Variants in FRMD4A observed in about 807,000 individuals in gnomAD.
The protein encoded by FRMD4A is FERM domain-containing protein 4A.
FRMD4A carries 29 observed loss-of-function variants against 129.1 expected under a neutral mutation model. The ratio of observed to expected loss-of-function variants is 0.22; its 90% CI spans 0.17 to 0.31. FRMD4A has a LOEUF of 0.31. Among genes scored for constraint, FRMD4A ranks in the 10% least tolerant of loss-of-function variants. The probability of loss-of-function intolerance (pLI) is 1.00; values close to 1 mark genes in which losing one functional copy is unlikely to be tolerated. For synonymous variants in FRMD4A, 634 were observed against 571.6 expected, an observed-to-expected ratio of 1.11 and a Z score of -1.56; for missense variants, 1,272 against 1,375.8, an observed-to-expected ratio of 0.92 and a Z score of 1.19.
At chr10:14,272,807 G>C (rs911064541) in intron 2 of FRMD4A, among the ~76,000 whole-genome samples, 2 of 151,984 alleles carry the variant, frequency 1.3e-5, no homozygotes, top group African/African-American at 4.8e-5. Flanking sequence ...TTCACAATGG[G>C]GCTTGAATTT....
intron 4 of FRMD4A, among the ~76,000 whole-genome samples, chr10:13,802,701 T>G (rs1022210885): frequency 2.6e-5 from 4 of 152,054 alleles, no homozygotes; most frequent in Non-Finnish European, 5.9e-5. Flanking sequence ...CTCAAACTCC[T>G]GGCTTCAAGC....
At chr10:13,794,757 C>A (rs746362905) in intron 5 of FRMD4A, among the ~76,000 whole-genome samples, 1 of 152,120 alleles carries the variant, frequency 6.6e-6, no homozygotes, top group Admixed American at 6.5e-5. Context: ...TTGCTTTGGC[C>A]GACCATCAAT....
At chr10:14,263,580 T>C (rs963703077) in intron 2 of FRMD4A, among the ~76,000 whole-genome samples, 2 of 152,106 alleles carry the variant, frequency 1.3e-5, no homozygotes, top group Non-Finnish European at 2.9e-5. Flanking sequence ...TCTTCTCCCA[T>C]CACAAACTGA....
rs532697126 is a variant in FRMD4A at position 13,731,396 on chromosome 10, C to T, written c.759+6448G>A. On this transcript the variant is annotated intron_variant, in intron 12 of 24. Transcript: ENST00000357447. ...GGGCGCAGTGGCTCACGCCTGTAAT[C>T]CCAGCACTTTGGGAGGCCAAGGTGG... is the stretch of plus-strand genomic sequence containing the variant. Among the ~76,000 whole-genome samples, 96 of 152,276 alleles carry T rather than the reference C, an allele frequency of 6.3e-4. 2 individuals carry two copies. The highest frequency in any genetic ancestry group is 5.6e-4 in the Non-Finnish European group (38 of 68,028).
intron 2 of FRMD4A, among the ~76,000 whole-genome samples, chr10:13,962,968 G>A (rs1044666545): frequency 6.6e-6 from 1 of 152,228 alleles, no homozygotes; most frequent in African/African-American, 2.4e-5. Flanking sequence ...AAATTGAGCT[G>A]TTAGGTTGTT....
chr10:13,957,541 C>T (rs1356285238), intron 2 of FRMD4A, among the ~76,000 whole-genome samples: 4 of 152,158 alleles, frequency 2.6e-5, no homozygotes, highest in Non-Finnish European at 5.9e-5. Context: ...AGACGTGAGC[C>T]ACCACGCTCA....
chr10:14,325,658 C>G (rs1195597874), intron 2 of FRMD4A, among the ~76,000 whole-genome samples: 1 of 152,266 alleles, frequency 6.6e-6, no homozygotes, highest in African/African-American at 2.4e-5. Context: ...TATCTCCAAC[C>G]TGTCTTGACA....
At chr10:14,121,041 A>G (rs1838481733) in intron 2 of FRMD4A, among the ~76,000 whole-genome samples, 1 of 152,156 alleles carries the variant, frequency 6.6e-6, no homozygotes, top group Non-Finnish European at 1.5e-5. Context: ...TATCCCTGTA[A>G]TGTACATATG....
intron 3 of FRMD4A, among the ~76,000 whole-genome samples, chr10:13,812,366 A>C (rs1287546190): frequency 6.6e-6 from 1 of 152,204 alleles, no homozygotes; most frequent in African/African-American, 2.4e-5. Flanking sequence ...ATAAGAAGAG[A>C]CACCAGAGAG....
At chr10:13,714,333 G>C (rs987871048) in intron 12 of FRMD4A, among the ~76,000 whole-genome samples, 1 of 151,234 alleles carries the variant, frequency 6.6e-6, no homozygotes, top group African/African-American at 2.4e-5. Context: ...AAAGTGCTAG[G>C]ATTATAGGTG....
intron 2 of FRMD4A, among the ~76,000 whole-genome samples, chr10:14,094,680 T>A (rs1836849221): frequency 6.6e-6 from 1 of 152,202 alleles, no homozygotes; most frequent in Non-Finnish European, 1.5e-5. Flanking sequence ...CTATTGGGCA[T>A]GCAGTTGGCA....
intron 2 of FRMD4A, among the ~76,000 whole-genome samples, chr10:13,922,952 G>A (rs1028151759): frequency 6.6e-6 from 1 of 152,200 alleles, no homozygotes; most frequent in Non-Finnish European, 1.5e-5. Context: ...GCAACTGTGA[G>A]TAGTTCATTC....
intron 2 of FRMD4A, among the ~76,000 whole-genome samples, chr10:13,978,709 C>T (rs547200538): frequency 6.6e-6 from 1 of 152,206 alleles, no homozygotes; most frequent in South Asian, 2.1e-4. Flanking sequence ...AACCTGAGAA[C>T]CCAAAAAACT....
chr10:14,170,386 CT>C (rs1284977785), intron 2 of FRMD4A, among the ~76,000 whole-genome samples: 1 of 152,184 alleles, frequency 6.6e-6, no homozygotes, highest in Admixed American at 6.5e-5. Context: ...TTAATTGCCC[CT>C]TTCATAAAAT....
chr10:14,183,728 A>G (rs1234091297), intron 2 of FRMD4A, among the ~76,000 whole-genome samples: 1 of 151,810 alleles, frequency 6.6e-6, no homozygotes, highest in Admixed American at 6.6e-5. Flanking sequence ...ATGTTCATTA[A>G]AAGCAAAACT....
At chr10:14,217,867 G>T (rs1843124021) in intron 2 of FRMD4A, among the ~76,000 whole-genome samples, 1 of 150,888 alleles carries the variant, frequency 6.6e-6, no homozygotes, top group Non-Finnish European at 1.5e-5. Context: ...GTCTCACTCT[G>T]TCATCCAGGA....
chr10:14,210,748 G>A (rs1027319415), intron 2 of FRMD4A, among the ~76,000 whole-genome samples: 1 of 152,116 alleles, frequency 6.6e-6, no homozygotes, highest in Non-Finnish European at 1.5e-5. Flanking sequence ...TTGTTTTTGA[G>A]ATGGAGTCTT....
intron 3 of FRMD4A, among the ~76,000 whole-genome samples, chr10:13,822,716 A>G (rs2093647737): frequency 6.6e-6 from 1 of 152,164 alleles, no homozygotes; most frequent in Admixed American, 6.6e-5. Flanking sequence ...ATCAGATCAC[A>G]CAGCTCCAGG....
intron 2 of FRMD4A, among the ~76,000 whole-genome samples, chr10:13,918,785 C>T (rs184061198): frequency 1.3e-5 from 2 of 152,088 alleles, no homozygotes; most frequent in Non-Finnish European, 2.9e-5. Flanking sequence ...GCCTCGGCCT[C>T]CCAAAATGCT....
Sources: allele counts gnomAD v4.1 joint callset (sites outside exome capture counted in the v4.1 genomes callset), GRCh38; gene constraint gnomAD v4.1.1; transcripts MANE v1.5; gene names NCBI Gene and HGNC (gene_info 2026-07-23, HGNC 2026-07-21).